The following CELF5 variants were observed in gnomAD, a reference collection of about 807,000 sequenced individuals.
CELF5 encodes the protein CUGBP Elav-like family member 5, also known as CUG-BP and ETR-3 like factor 5.
Under a neutral mutation model 54.9 loss-of-function variants are expected in CELF5, and 6 were observed. That is an observed-to-expected ratio of 0.11 (90% confidence interval 0.06 to 0.22). The LOEUF (loss-of-function observed/expected upper bound fraction) is 0.22, where lower values mean the gene tolerates loss of function less well. Ranked by LOEUF, CELF5 falls within the 10% of genes least tolerant of loss-of-function variation. The pLI, the probability that CELF5 is intolerant of heterozygous loss-of-function variation, is 1.00. For synonymous variants in CELF5, 271 were observed against 290.9 expected, an observed-to-expected ratio of 0.93 and a Z score of 0.70; for missense variants, 401 against 678.6, an observed-to-expected ratio of 0.59 and a Z score of 4.54.
chr19:3,241,575 G>A (rs1470415950), intron 1 of CELF5, among the ~76,000 whole-genome samples: 1 of 151,946 alleles, frequency 6.6e-6, no homozygotes, highest in Non-Finnish European at 1.5e-5. Flanking sequence ...TGTGGGGTGG[G>A]AGTGGCTGGG....
At chr19:3,292,734 G>A (rs966628669) in intron 11 of CELF5, among the ~76,000 whole-genome samples, 1 of 152,010 alleles carries the variant, frequency 6.6e-6, no homozygotes, top group African/African-American at 2.4e-5. Context: ...GGAGGGGAGA[G>A]AAACAGAGAC....
intron 1 of CELF5, among the ~76,000 whole-genome samples, chr19:3,242,824 C>G (rs1306803835): frequency 1.3e-5 from 2 of 151,870 alleles, no homozygotes; most frequent in African/African-American, 4.8e-5. Flanking sequence ...ATTAGCTGGG[C>G]TTGGTGGCAG....
At chr19:3,248,904 TCC>T (rs974653461) in intron 1 of CELF5, among the ~76,000 whole-genome samples, 1 of 123,686 alleles carries the variant, frequency 8.1e-6, no homozygotes, top group African/African-American at 2.9e-5. Flanking sequence ...CTTCCTTCCT[TCC>T]TTTCTTTCTT....
chr19:3,283,010 T>G (rs1004094559), intron 8 of CELF5, among the ~76,000 whole-genome samples: 2 of 152,178 alleles, frequency 1.3e-5, no homozygotes, highest in Admixed American at 6.5e-5. Flanking sequence ...TTTGTAGTTT[T>G]AGTAGAGATG....
In CELF5 at chr19:3,286,037, G is replaced by T. The variant is rs1318303027; in HGVS notation, c.1186+12G>T. ...GCAGCAGCGAGAAGGTGAGGCGGCC[G>T]CAACCTCCCCTGGGCGCCAGCCCCG... On this transcript the variant is annotated intron_variant, in intron 10 of 12. Transcript: ENST00000292672. The T allele has an allele frequency of 2.6e-6, 4 of 1,556,556 alleles. No individual in the cohort carries two copies. Among genetic ancestry groups the T allele is most frequent in the African/African-American group, 2.8e-5 (2 of 71,546 alleles).
In CELF5 at chr19:3,278,639, G is replaced by A. The variant is rs1314228297; in HGVS notation, c.603+529G>A. Among the ~76,000 whole-genome samples the A allele has an allele frequency of 6.6e-6, 1 of 151,886 alleles. No homozygotes were observed. Among genetic ancestry groups the A allele is most frequent in the African/African-American group, 2.4e-5 (1 of 41,316 alleles). ...GTATGCCTGGGCCACGGGGGAGGAA[G>A]CACATGTGTGTGCATCTGCAGGTGC... is the stretch of plus-strand genomic sequence containing the variant. On this transcript the variant is annotated intron_variant, in intron 5 of 12. Coordinates refer to ENST00000292672, the MANE Select transcript of CELF5 (RefSeq NM_021938.4). The surrounding 1 kb of genome is among the most constrained non-coding windows in gnomAD (Gnocchi z 4.5).
At chr19:3,230,603 T>C (rs1917208607) in intron 1 of CELF5, among the ~76,000 whole-genome samples, 1 of 152,116 alleles carries the variant, frequency 6.6e-6, no homozygotes, top group African/African-American at 2.4e-5. Flanking sequence ...CTTGGACTCT[T>C]TCCTGAGGGC....
chr19:3,276,865 G>T (rs2080064075), intron 4 of CELF5, among the ~76,000 whole-genome samples: 1 of 136,840 alleles, frequency 7.3e-6, no homozygotes, highest in Non-Finnish European at 1.6e-5. Context: ...CGTGGCTTGT[G>T]ATGGGGCGGG....
chr19:3,238,721 C>G (rs2079450680), intron 1 of CELF5, among the ~76,000 whole-genome samples: 1 of 152,068 alleles, frequency 6.6e-6, no homozygotes, highest in African/African-American at 2.4e-5. Flanking sequence ...CACTTGAGGT[C>G]AGGAGTTCGA....
chr19:3,250,906 A>C, intron 1 of CELF5, 79 bp from the exon 2 acceptor site: 85 of 895,562 alleles, frequency 9.5e-5, no homozygotes, highest in Non-Finnish European at 1.3e-4. Flanking sequence ...GCTTCCACCT[A>C]GTGGCCACTG....
Position 3,293,390 on chromosome 19 carries a change from A to C in CELF5, c.1402A>C (p.Met468Leu), listed in dbSNP as rs1320419391. ...IQAMNGFQIG[M>L]KRLKVQLKRP... is the part of the protein sequence containing the mutation. ...GGCCATGAACGGCTTCCAGATCGGC[A>C]TGAAGAGGCTCAAAGTCCAGCTGAA... Residue 468 changes from methionine (M) to leucine (L), a missense_variant, in exon 12 of 13, where the codon ATG becomes CTG. Around this residue, in one of 6 missense-constraint regions of CELF5, gnomAD observed 59 missense variants for 128.8 expected, o/e 0.46. Transcript: ENST00000292672. 6.2e-7 allele frequency: 1 copy of C among 1,614,106 alleles called. No homozygotes were observed. The highest frequency in any genetic ancestry group is 8.5e-7 in the Non-Finnish European group (1 of 1,179,974).
chr19:3,227,753 T>C (rs1179646130), intron 1 of CELF5, among the ~76,000 whole-genome samples: 2 of 152,066 alleles, frequency 1.3e-5, no homozygotes, highest in African/African-American at 2.4e-5. Context: ...TTGAGAGACA[T>C]ACCCTGGGTC....
At chr19:3,225,089 C>T (rs1916815343) in intron 1 of CELF5, 91 bp downstream of exon 1, 2 of 859,608 alleles carry the variant, frequency 2.3e-6, no homozygotes, top group Non-Finnish European at 3.5e-6. Context: ...CATCCCTCCT[C>T]TGCTCACCTC....
intron 12 of CELF5, 21 bp from the exon 13 acceptor site, chr19:3,296,736 AT>A (rs1264977217): frequency 6.6e-6 from 1 of 152,150 alleles, no homozygotes; most frequent in Admixed American, 6.6e-5. Flanking sequence ...TGTAAATACC[AT>A]TTTTATACTC....
At chr19:3,293,570 C>T in intron 12 of CELF5, 84 bp downstream of exon 12, 2 of 1,191,310 alleles carry the variant, frequency 1.7e-6, no homozygotes, top group Middle Eastern at 4.3e-4. Flanking sequence ...ATGCTCCAAA[C>T]CCTCCCCAGG....
At chr19:3,292,472 C>T (rs376000548) in intron 11 of CELF5, among the ~76,000 whole-genome samples, 22 of 142,322 alleles carry the variant, frequency 1.5e-4, no homozygotes, top group Middle Eastern at 9.3e-3. Flanking sequence ...TTAGTAGAGA[C>T]GGGGTTTGAC....
intron 1 of CELF5, among the ~76,000 whole-genome samples, chr19:3,236,624 G>A (rs1053070653): frequency 1.3e-5 from 2 of 152,114 alleles, no homozygotes; most frequent in East Asian, 1.9e-4. Context: ...CACCACCATC[G>A]GTGCATCGTA....
chr19:3,233,556 A>G (rs1180437741), intron 1 of CELF5, among the ~76,000 whole-genome samples: 2 of 152,194 alleles, frequency 1.3e-5, no homozygotes, highest in African/African-American at 4.8e-5. Flanking sequence ...GAAGGCTGTT[A>G]TGCTACAACC....
intron 2 of CELF5, among the ~76,000 whole-genome samples, chr19:3,263,864 C>T (rs1403438952): frequency 6.6e-6 from 1 of 152,088 alleles, no homozygotes; most frequent in Non-Finnish European, 1.5e-5. Flanking sequence ...GAGATTGCAC[C>T]ACTGCACTCC....
Sources: allele counts gnomAD v4.1 joint callset (sites outside exome capture counted in the v4.1 genomes callset), GRCh38; gene constraint gnomAD v4.1.1; regional missense constraint gnomAD v4.1.1; non-coding constraint Gnocchi (gnomAD v3.1); transcripts MANE v1.5; gene names NCBI Gene and HGNC (gene_info 2026-07-23, HGNC 2026-07-21).